LHFPL3: variants seen among roughly 807,000 people sequenced by gnomAD.
The protein encoded by LHFPL3 is LHFPL tetraspan subfamily member 3 protein.
Under a neutral mutation model 19.3 loss-of-function variants are expected in LHFPL3, and 5 were observed. That is an observed-to-expected ratio of 0.26 (90% CI 0.14 to 0.54). The LOEUF (loss-of-function observed/expected upper bound fraction) is 0.54, where lower values mean the gene tolerates loss of function less well. Ranked by LOEUF, LHFPL3 falls within the 20% of genes least tolerant of loss-of-function variation. LHFPL3 has a pLI of 0.94. For synonymous variants in LHFPL3, 133 were observed against 126.2 expected (o/e 1.05, Z -0.36); for missense variants, 249 against 307.4 (o/e 0.81, Z 1.42).
At chr7:104,649,669 T>G (rs778698800) in intron 1 of LHFPL3, among the ~76,000 whole-genome samples, 9 of 152,158 alleles carry the variant, frequency 5.9e-5, no homozygotes, top group Non-Finnish European at 1.0e-4. Flanking sequence ...ACAAGACTGT[T>G]AAAGGCATCT....
intron 1 of LHFPL3, among the ~76,000 whole-genome samples, chr7:104,557,311 A>G (rs972884032): frequency 5.3e-5 from 8 of 152,226 alleles, no homozygotes; most frequent in African/African-American, 1.9e-4. Context: ...TTACAGTTCC[A>G]CATAGCTGGG....
intron 1 of LHFPL3, among the ~76,000 whole-genome samples, chr7:104,476,600 A>G (rs1228998229): frequency 6.6e-6 from 1 of 152,122 alleles, no homozygotes; most frequent in Non-Finnish European, 1.5e-5. Context: ...AGCTGGGATT[A>G]CAGGCATGTG....
At chr7:104,424,983 TAA>T (rs71153196) in intron 1 of LHFPL3, among the ~76,000 whole-genome samples, 1,050 of 65,098 alleles carry the variant, frequency 0.016, 9 homozygotes, top group African/African-American at 0.044. Flanking sequence ...CTCCATCTCA[TAA>T]AAAAAAAAAA....
intron 1 of LHFPL3, among the ~76,000 whole-genome samples, chr7:104,515,543 G>C (rs1793904560): frequency 6.6e-6 from 1 of 152,082 alleles, no homozygotes; most frequent in Non-Finnish European, 1.5e-5. Context: ...ACCTCCTCCA[G>C]TTCCTCCAAG....
intron 2 of LHFPL3, among the ~76,000 whole-genome samples, chr7:104,764,745 G>A (rs1562986283): frequency 6.6e-6 from 1 of 152,120 alleles, no homozygotes; most frequent in Non-Finnish European, 1.5e-5. Context: ...CATTTCGCTA[G>A]GCCATGACTG....
intron 1 of LHFPL3, among the ~76,000 whole-genome samples, chr7:104,551,364 GTTCTCT>G: frequency 6.6e-6 from 1 of 152,148 alleles, no homozygotes; most frequent in South Asian, 2.1e-4. Flanking sequence ...CTCTCCGTGG[GTTCTCT>G]TTCTCTAGTA....
At position 104,486,420 on chromosome 7, in the gene LHFPL3, G is replaced by A. The variant is rs144476042; in HGVS notation, c.445+157196G>A. On this transcript the variant is annotated intron_variant, in intron 1 of 2. Coordinates refer to ENST00000424859, the MANE Select transcript of LHFPL3 (RefSeq NM_199000.3). ...GATAGAAATTTATTTTTACAGTTCT[G>A]ATGGCTGGGAAACCCAGGATCAGAC... Among the ~76,000 whole-genome samples, 1,271 of 152,262 alleles carry A rather than the reference G, an allele frequency of 8.3e-3. 8 individuals are homozygous for A. The highest frequency in any genetic ancestry group is 0.014 in the Middle Eastern group (4 of 294).
intron 1 of LHFPL3, among the ~76,000 whole-genome samples, chr7:104,470,954 C>G (rs1438084660): frequency 6.6e-6 from 1 of 152,146 alleles, no homozygotes; most frequent in South Asian, 2.1e-4. Flanking sequence ...CTGCCCCTAG[C>G]TCACAGAGAG....
chr7:104,810,365 G>A (rs1052671889), intron 2 of LHFPL3, among the ~76,000 whole-genome samples: 6 of 152,136 alleles, frequency 3.9e-5, no homozygotes, highest in Admixed American at 6.5e-5. Context: ...CAGAGGAACC[G>A]GGGGAAAGGC....
At chr7:104,816,764 C>G (rs1790565385) in intron 2 of LHFPL3, among the ~76,000 whole-genome samples, 1 of 152,242 alleles carries the variant, frequency 6.6e-6, no homozygotes, top group East Asian at 1.9e-4. Context: ...GTCTAAACAG[C>G]CTTTGCCCAG....
chr7:104,490,400 T>C (rs1793319679), intron 1 of LHFPL3, among the ~76,000 whole-genome samples: 1 of 152,136 alleles, frequency 6.6e-6, no homozygotes, highest in African/African-American at 2.4e-5. Context: ...TAAATAATGA[T>C]CATAAATTTA....
intron 1 of LHFPL3, among the ~76,000 whole-genome samples, chr7:104,456,343 T>G (rs13238946): frequency 0.22 from 34,151 of 152,066 alleles, 4,299 homozygotes; most frequent in African/African-American, 0.35. Context: ...ATTACTGATA[T>G]ATAACTTTTA....
rs1790497985 is a variant in LHFPL3 at position 104,366,479 on chromosome 7, A to G, written c.445+37255A>G. On this transcript the variant is annotated intron_variant, in intron 1 of 2. Transcript: ENST00000424859. ...GATGATGGCAGAAGATGAAGACAGAAAGCAAATTCTGAAATTACTGGGCTG... is the reference window on the plus strand; with the variant it reads ...GATGATGGCAGAAGATGAAGACAGAGAGCAAATTCTGAAATTACTGGGCTG... Among the ~76,000 whole-genome samples the G allele has an allele frequency of 2.6e-5, 4 of 152,186 alleles. 1 individual carries two copies. The South Asian group carries it at 8.3e-4, about 32-fold the overall frequency.
At chr7:104,839,731 C>T (rs1584568383) in intron 2 of LHFPL3, among the ~76,000 whole-genome samples, 1 of 152,068 alleles carries the variant, frequency 6.6e-6, no homozygotes, top group South Asian at 2.1e-4. Context: ...CACAGAGGCT[C>T]GCACCTGTAA....
intron 2 of LHFPL3, among the ~76,000 whole-genome samples, chr7:104,813,753 C>T (rs1035762680): frequency 1.3e-5 from 2 of 152,212 alleles, no homozygotes; most frequent in Admixed American, 6.5e-5. Context: ...AGAGGAGAAA[C>T]CCACAAGCAG....
At position 104,906,824 on chromosome 7, in the gene LHFPL3, G is replaced by C. The variant is rs534240132; in HGVS notation, c.*609G>C. The C allele has an allele frequency of 6.6e-6, 1 of 152,594 alleles. No individual in the cohort carries two copies. The highest frequency in any genetic ancestry group is 1.9e-4 in the East Asian group (1 of 5,206). The allele number at this position is 152,594 out of a possible 1,614,324, so 9.5% of individuals were successfully genotyped here. On this transcript the variant is annotated 3_prime_UTR_variant, in exon 3 of 3. Coordinates refer to ENST00000424859, the MANE Select transcript of LHFPL3 (RefSeq NM_199000.3). ...CCACTCAGTTATTAAGAGACGTAAC[G>C]CTTCAAACTTTTTACCAAGTCTGTG...
intron 1 of LHFPL3, among the ~76,000 whole-genome samples, chr7:104,431,498 C>T (rs1030140166): frequency 6.6e-6 from 1 of 152,142 alleles, no homozygotes; most frequent in Non-Finnish European, 1.5e-5. Context: ...GGACAGTACA[C>T]TTTTCTCACT....
intron 1 of LHFPL3, among the ~76,000 whole-genome samples, chr7:104,549,155 A>G (rs1794623866): frequency 6.6e-6 from 1 of 152,154 alleles, no homozygotes; most frequent in Non-Finnish European, 1.5e-5. Flanking sequence ...ATATGACTTT[A>G]AAAGTAATGG....
intron 1 of LHFPL3, among the ~76,000 whole-genome samples, chr7:104,576,162 A>G (rs1335853659): frequency 6.6e-6 from 1 of 151,790 alleles, no homozygotes; most frequent in Non-Finnish European, 1.5e-5. Flanking sequence ...AAGATCCAGG[A>G]AAAAAAAATT....
Sources: gnomAD v4.1 joint callset for allele counts (sites outside exome capture counted in the v4.1 genomes callset) on GRCh38, gnomAD v4.1.1 for gene constraint, MANE v1.5 for transcripts, NCBI Gene and HGNC (gene_info 2026-07-23, HGNC 2026-07-21) for gene names.